Variants in EPS8 observed in about 807,000 individuals in gnomAD.
EPS8 encodes the protein EGFR pathway substrate 8, signaling adaptor.
Under a neutral mutation model 103.8 loss-of-function variants are expected in EPS8, and 42 were observed. That is an observed-to-expected ratio of 0.40 (90% CI 0.32 to 0.52). EPS8 has a LOEUF of 0.52. Ranked by LOEUF, EPS8 falls within the 20% of genes least tolerant of loss-of-function variation. The probability of loss-of-function intolerance (pLI) is 0.40; values close to 1 mark genes in which losing one functional copy is unlikely to be tolerated. For missense variants in EPS8, 969 were observed against 1,005.1 expected (o/e 0.96, Z 0.49); for synonymous variants, 344 against 344.6 (o/e 1.00, Z 0.02).
At chr12:15,737,631 A>G (rs1030150036) in intron 1 of EPS8, among the ~76,000 whole-genome samples, 4 of 152,180 alleles carry the variant, frequency 2.6e-5, no homozygotes, top group Middle Eastern at 3.2e-3. Context: ...TTATTTGCCC[A>G]AAGTGACACT....
At chr12:15,743,038 TA>T (rs1946841175) in intron 1 of EPS8, among the ~76,000 whole-genome samples, 1 of 152,202 alleles carries the variant, frequency 6.6e-6, no homozygotes, top group Admixed American at 6.5e-5. Context: ...AAAATCTCCT[TA>T]AGCTGATAAG....
intron 3 of EPS8, among the ~76,000 whole-genome samples, chr12:15,674,720 T>C (rs553564399): frequency 6.6e-6 from 1 of 152,338 alleles, no homozygotes; most frequent in African/African-American, 2.4e-5. Flanking sequence ...AACTGTCTTT[T>C]TGAGTCAACT....
At chr12:15,732,536 A>C (rs958716942) in intron 1 of EPS8, among the ~76,000 whole-genome samples, 1 of 152,188 alleles carries the variant, frequency 6.6e-6, no homozygotes, top group Admixed American at 6.5e-5. Context: ...AAAACTAAAC[A>C]GTGAAGACTA....
At position 15,789,091 on chromosome 12, in the gene EPS8, G is replaced by A. The variant is rs1947341067; in HGVS notation, c.-22+70C>T. The A allele has an allele frequency of 6.6e-6, 1 of 152,190 alleles. No homozygotes were observed. The highest frequency in any genetic ancestry group is 1.5e-5 in the Non-Finnish European group (1 of 68,052). The allele number at this position is 152,190 out of a possible 1,614,324, so 9.4% of individuals were successfully genotyped here. On this transcript the variant is annotated intron_variant, in intron 1 of 20. Transcript: ENST00000281172. This position sits in a 1 kb window ranked among gnomAD's most constrained non-coding sequence, Gnocchi z 6.1. ...GCTCCGATTCCAGCACACAAAGGCGGATTTTTAAAATCGAGAAAGTCAAAG... is the reference window on the plus strand; with the variant it reads ...GCTCCGATTCCAGCACACAAAGGCGAATTTTTAAAATCGAGAAAGTCAAAG...
chr12:15,663,941 A>ATAATAATAAT (rs71042266), intron 8 of EPS8, among the ~76,000 whole-genome samples: 5,624 of 72,158 alleles, frequency 0.078, 394 homozygotes, highest in Non-Finnish European at 0.099. Context: ...AAAAAAAAAA[A>ATAATAATAAT]AAAAATAATA....
intron 3 of EPS8, among the ~76,000 whole-genome samples, chr12:15,676,100 G>A (rs1374648104): frequency 1.3e-5 from 2 of 151,570 alleles, no homozygotes; most frequent in South Asian, 2.1e-4. Context: ...GTGAAACCCC[G>A]TCTCTATTAA....
chr12:15,741,941 C>A (rs901664742), intron 1 of EPS8, among the ~76,000 whole-genome samples: 1 of 152,166 alleles, frequency 6.6e-6, no homozygotes, highest in African/African-American at 2.4e-5. Flanking sequence ...TCAGTTCCCA[C>A]CTATGAGTGA....
chr12:15,704,101 G>C lies in EPS8; in HGVS notation c.-21-21129C>G, dbSNP rs536098971. On this transcript the variant is annotated intron_variant, in intron 1 of 20. Coordinates refer to ENST00000281172, the MANE Select transcript of EPS8 (RefSeq NM_004447.6). The surrounding 1 kb of genome is among the most constrained non-coding windows in gnomAD (Gnocchi z 4.6). Reference sequence around the variant, plus strand: ...GACTGTAAGAATAGAGGGTTTTCCTGCTGGGTTTTTTTGTTCGTTCATTTA... The same window carrying C: ...GACTGTAAGAATAGAGGGTTTTCCTCCTGGGTTTTTTTGTTCGTTCATTTA... Among the ~76,000 whole-genome samples, 1 of 152,118 alleles carries C rather than the reference G, an allele frequency of 6.6e-6. No individual in the cohort carries two copies. Among genetic ancestry groups the C allele is most frequent in the Admixed American group, 6.5e-5 (1 of 15,276 alleles).
chr12:15,672,839 G>A (rs1202824013), intron 3 of EPS8, among the ~76,000 whole-genome samples: 3 of 152,182 alleles, frequency 2.0e-5, no homozygotes, highest in Non-Finnish European at 4.4e-5. Context: ...CAGAGCAGGA[G>A]GGCTCGGCTT....
rs1426033199 is a variant in EPS8, at chr12:15,662,179, T to C, written c.737-80A>G. 17 of 1,561,524 alleles carry C rather than the reference T, an allele frequency of 1.1e-5. No homozygotes were observed. The South Asian group carries it at 1.9e-4, about 18-fold the overall frequency. On this transcript the variant is annotated intron_variant, in intron 8 of 20. Coordinates refer to ENST00000281172, the MANE Select transcript of EPS8 (RefSeq NM_004447.6). ...CAGACAATTAAAACATAAAAATTAG[T>C]TAAAAAGGAGGACCATTTGCCAAAG... is the stretch of plus-strand genomic sequence containing the variant.
chr12:15,621,611 T>G (rs964307849), intron 20 of EPS8, among the ~76,000 whole-genome samples, 181 bp from the exon 21 acceptor site: 78 of 152,282 alleles, frequency 5.1e-4, no homozygotes, highest in African/African-American at 1.9e-3. Context: ...ATTAATAATT[T>G]TTCATTTTGT....
intron 1 of EPS8, among the ~76,000 whole-genome samples, chr12:15,691,435 AT>A (rs1555117258): frequency 1.3e-5 from 2 of 152,138 alleles, no homozygotes; most frequent in Non-Finnish European, 2.9e-5. Flanking sequence ...ATATAGTATA[AT>A]GGGGCAGAGA....
rs1947150000 is a variant in EPS8 at position 15,771,143 on chromosome 12, TA to T, written c.-22+18017del. On this transcript the variant is annotated intron_variant, in intron 1 of 20. Coordinates refer to ENST00000281172, the MANE Select transcript of EPS8 (RefSeq NM_004447.6). This position sits in a 1 kb window ranked among gnomAD's most constrained non-coding sequence, Gnocchi z 4.6. The stretch of plus-strand genomic sequence containing the variant: ...GATTATTCTACAATGGCAGATAAAG[TA>T]GACCTTAACTGATGGATTCGATTTG... Among the ~76,000 whole-genome samples, 1 of 152,172 alleles carries T rather than the reference TA, an allele frequency of 6.6e-6. No individual in the cohort carries two copies. The highest frequency in any genetic ancestry group is 1.5e-5 in the Non-Finnish European group (1 of 68,046).
intron 1 of EPS8, among the ~76,000 whole-genome samples, chr12:15,707,300 T>G: frequency 6.6e-6 from 1 of 152,300 alleles, no homozygotes; most frequent in East Asian, 1.9e-4. Context: ...ATTTTTGTTT[T>G]TAATAACCTA....
chr12:15,659,199 T>C (rs954685694), intron 10 of EPS8, among the ~76,000 whole-genome samples: 2 of 152,126 alleles, frequency 1.3e-5, no homozygotes, highest in Admixed American at 6.6e-5. Flanking sequence ...TAACCTTGAT[T>C]TCCAGGGCGA....
chr12:15,663,707 G>A lies in EPS8; in HGVS notation c.737-1608C>T, dbSNP rs1477988811. ...TCAGAGGCTGAGGCGGGAGGATCACGAGGTCAGGAGATCAAGACAATCCTG... is the reference window on the plus strand; with the variant it reads ...TCAGAGGCTGAGGCGGGAGGATCACAAGGTCAGGAGATCAAGACAATCCTG... On this transcript the variant is annotated intron_variant, in intron 8 of 20. Coordinates refer to ENST00000281172, the MANE Select transcript of EPS8 (RefSeq NM_004447.6). Among the ~76,000 whole-genome samples the A allele has an allele frequency of 2.0e-5, 3 of 151,010 alleles. No homozygotes were observed. In the East Asian group the frequency reaches 5.9e-4, roughly 30 times the overall value.
In EPS8 at chr12:15,623,219, G is replaced by A; in HGVS notation, c.2294C>T (p.Thr765Ile). The change falls in exon 20 of 21, where the codon ACA becomes ATA. Residue 765 changes from threonine (T) to isoleucine (I), a missense_variant. Coordinates refer to ENST00000281172, the MANE Select transcript of EPS8 (RefSeq NM_004447.6). ...LFSLNKDELR[T>I]VCPEGARVYS... is the part of the protein sequence containing the mutation. Reference sequence around the variant, plus strand: ...GACTCTCGCCCCTTCAGGGCAGACTGTCCTCAGTTCATCCTTATTGAGAGA... The same window carrying A: ...GACTCTCGCCCCTTCAGGGCAGACTATCCTCAGTTCATCCTTATTGAGAGA... 2 of 1,613,130 alleles carry A rather than the reference G, an allele frequency of 1.2e-6. No homozygotes were observed. Among genetic ancestry groups the A allele is most frequent in the Non-Finnish European group, 8.5e-7 (1 of 1,179,530 alleles).
intron 6 of EPS8, among the ~76,000 whole-genome samples, chr12:15,667,945 A>G (rs1945744918): frequency 6.6e-6 from 1 of 152,074 alleles, no homozygotes; most frequent in South Asian, 2.1e-4. Flanking sequence ...AAATCCAGAA[A>G]CTTTTCACAG....
rs1362568711 is a variant in EPS8, at chr12:15,620,964, C to T, written c.*353G>A. 1 of 181,722 alleles carries T rather than the reference C, an allele frequency of 5.5e-6. No individual in the cohort carries two copies. Among genetic ancestry groups the T allele is most frequent in the Non-Finnish European group, 1.1e-5 (1 of 88,988 alleles). 11.3% of individuals were successfully genotyped at this position (181,722 alleles called of 1,614,324 possible). A position where few individuals can be genotyped will look rare whatever the true frequency, so the allele number is the denominator to read the frequency against. Reference sequence around the variant, plus strand: ...AATCGAAACTGCTTAGATTTTGAATCATGGACAACATTGTTGCTTTGTTGC... The same window carrying T: ...AATCGAAACTGCTTAGATTTTGAATTATGGACAACATTGTTGCTTTGTTGC... On this transcript the variant is annotated 3_prime_UTR_variant, in exon 21 of 21. Transcript: ENST00000281172.
Sources: gnomAD v4.1 joint callset for allele counts (sites outside exome capture counted in the v4.1 genomes callset) on GRCh38, gnomAD v4.1.1 for gene constraint, Gnocchi (gnomAD v3.1) non-coding constraint, MANE v1.5 for transcripts, NCBI Gene and HGNC (gene_info 2026-07-23, HGNC 2026-07-21) for gene names.